Variants in ANTXR1 observed in about 807,000 individuals in gnomAD.
ANTXR1 encodes the protein ANTXR cell adhesion molecule 1, also known as anthrax toxin receptor 1.
Under a neutral mutation model 78.1 loss-of-function variants are expected in ANTXR1, and 19 were observed. The ratio of observed to expected loss-of-function variants is 0.24; its 90% confidence interval spans 0.17 to 0.36. ANTXR1 has a LOEUF of 0.36. Ranked by LOEUF, ANTXR1 falls within the 10% of genes least tolerant of loss-of-function variation. The pLI is 1.00. For synonymous variants in ANTXR1, 273 were observed against 260.5 expected (o/e 1.05, Z -0.46); for missense variants, 518 against 718.6 (o/e 0.72, Z 3.19).
At chr2:69,230,343 A>G (rs1035613146) in intron 17 of ANTXR1, among the ~76,000 whole-genome samples, 54 of 151,714 alleles carry the variant, frequency 3.6e-4, no homozygotes, top group African/African-American at 1.3e-3. Flanking sequence ...TGGTTTATCG[A>G]CCTTCCTCAG....
At position 69,181,742 on chromosome 2, in the gene ANTXR1, G is replaced by A. The variant is rs752597738; in HGVS notation, c.1090-44G>A. ...TGGCTGTAGTAGGCAGGTCCACACAGCAGTGCTGTTTTGCTTCCTTCATGT... is the reference window on the plus strand; with the variant it reads ...TGGCTGTAGTAGGCAGGTCCACACAACAGTGCTGTTTTGCTTCCTTCATGT... On this transcript the variant is annotated intron_variant, in intron 14 of 17. Coordinates refer to ENST00000303714, the MANE Select transcript of ANTXR1 (RefSeq NM_032208.3). 1.4e-5 allele frequency: 22 copies of A among 1,582,574 alleles called. No individual in the cohort carries two copies. In the East Asian group the frequency reaches 4.9e-4, roughly 35 times the overall value.
Position 69,193,462 on chromosome 2 carries a change from CA to C in ANTXR1, c.1434+48del, listed in dbSNP as rs1382869424. 2.7e-5 allele frequency: 32 copies of C among 1,171,580 alleles called. No homozygotes were observed. The African/African-American group carries it at 4.1e-4, about 15-fold the overall frequency. 72.6% of individuals were successfully genotyped at this position (1,171,580 alleles called of 1,614,324 possible). A position where few individuals can be genotyped will look rare whatever the true frequency, so the allele number is the denominator to read the frequency against. Reference sequence around the variant, plus strand: ...ATGGTGTCTCTCTCTCTCTCTCTCACATACACACACACACACACACACACAC... The same window carrying C: ...ATGGTGTCTCTCTCTCTCTCTCTCACTACACACACACACACACACACACAC... On this transcript the variant is annotated intron_variant, in intron 17 of 17. Coordinates refer to ENST00000303714, the MANE Select transcript of ANTXR1 (RefSeq NM_032208.3).
intron 9 of ANTXR1, among the ~76,000 whole-genome samples, chr2:69,096,551 C>T (rs1346001975): frequency 6.6e-6 from 1 of 151,784 alleles, no homozygotes; most frequent in Non-Finnish European, 1.5e-5. Flanking sequence ...CACTGGTGAA[C>T]ATATATAGGG....
chr2:69,172,901 C>T (rs546300979), intron 14 of ANTXR1, among the ~76,000 whole-genome samples: 80 of 152,298 alleles, frequency 5.3e-4, no homozygotes, highest in African/African-American at 1.7e-3. Context: ...AGAATCTTCT[C>T]AAGTGGCACC....
At chr2:69,080,212 G>A (rs189249481) in intron 8 of ANTXR1, among the ~76,000 whole-genome samples, 3 of 152,282 alleles carry the variant, frequency 2.0e-5, no homozygotes, top group Non-Finnish European at 2.9e-5. Flanking sequence ...CAAGTAGAGC[G>A]AGCTCATCTT....
intron 3 of ANTXR1, among the ~76,000 whole-genome samples, chr2:69,069,703 T>C (rs910806956): frequency 6.6e-6 from 1 of 152,222 alleles, no homozygotes; most frequent in Non-Finnish European, 1.5e-5. Context: ...CAGTGGTTAT[T>C]ATGAGGGTGA....
chr2:69,146,450 C>A (rs1673228093), intron 12 of ANTXR1: 1 of 889,774 alleles, frequency 1.1e-6, no homozygotes, highest in Non-Finnish European at 1.3e-6. Flanking sequence ...GGTAAGACTC[C>A]ACGTGTGGCT....
intron 6 of ANTXR1, among the ~76,000 whole-genome samples, chr2:69,075,162 A>G (rs58727518): frequency 0.032 from 4,807 of 152,296 alleles, 259 homozygotes; most frequent in African/African-American, 0.11. Context: ...CCCAAAACAC[A>G]ATACAGAGTA....
intron 3 of ANTXR1, among the ~76,000 whole-genome samples, chr2:69,051,592 T>C (rs1458709525): frequency 5.9e-5 from 9 of 152,078 alleles, no homozygotes; most frequent in Admixed American, 5.9e-4. Context: ...GACTACTACA[T>C]GATCAAATTT....
At chr2:69,165,233 C>G (rs988590208) in intron 13 of ANTXR1, among the ~76,000 whole-genome samples, 5 of 152,220 alleles carry the variant, frequency 3.3e-5, no homozygotes, top group Non-Finnish European at 5.9e-5. Context: ...TTATCTGAAG[C>G]AGCTCTCTTG....
intron 13 of ANTXR1, among the ~76,000 whole-genome samples, chr2:69,157,037 C>T (rs1472575907): frequency 6.6e-6 from 1 of 152,212 alleles, no homozygotes; most frequent in East Asian, 1.9e-4. Flanking sequence ...CTCTCCTTCC[C>T]TCTTCCTCCC....
intron 1 of ANTXR1, among the ~76,000 whole-genome samples, chr2:69,029,489 T>C (rs1189853039): frequency 6.6e-6 from 1 of 151,604 alleles, no homozygotes; most frequent in Non-Finnish European, 1.5e-5. Flanking sequence ...TTTTTTTAAA[T>C]GGTCTACAAC....
At chr2:69,107,978 C>T (rs559554532) in intron 10 of ANTXR1, among the ~76,000 whole-genome samples, 1 of 152,260 alleles carries the variant, frequency 6.6e-6, no homozygotes, top group South Asian at 2.1e-4. Context: ...ATCCATTTCA[C>T]CACTATTATC....
chr2:69,162,622 AC>A (rs1183898391), intron 13 of ANTXR1, among the ~76,000 whole-genome samples: 3 of 152,146 alleles, frequency 2.0e-5, no homozygotes, highest in Non-Finnish European at 4.4e-5. Context: ...ATTATTTATT[AC>A]TTGGGCCCTT....
chr2:69,018,401 G>A (rs1419848602), intron 1 of ANTXR1, among the ~76,000 whole-genome samples: 2 of 152,190 alleles, frequency 1.3e-5, no homozygotes, highest in East Asian at 3.9e-4. Context: ...ACTGTTATGT[G>A]TTGTACTCCA....
At chr2:69,218,359 A>G (rs1264617529) in intron 17 of ANTXR1, among the ~76,000 whole-genome samples, 1 of 152,064 alleles carries the variant, frequency 6.6e-6, no homozygotes, top group Non-Finnish European at 1.5e-5. Context: ...AGTTCTGGAA[A>G]AAAAGGGGGG....
At chr2:69,078,137 A>G (rs1670795997) in intron 8 of ANTXR1, among the ~76,000 whole-genome samples, 1 of 152,166 alleles carries the variant, frequency 6.6e-6, no homozygotes, top group Admixed American at 6.5e-5. Context: ...TGAATAGTAA[A>G]CAGGACACTG....
At position 69,227,004 on chromosome 2, in the gene ANTXR1, A is replaced by T. The variant is rs547539360; in HGVS notation, c.1435-18221A>T. ...TCGTGAAGCATTTCGTGCACCATGA[A>T]AATGGGGCATTTTGATACTGGCTCA... On this transcript the variant is annotated intron_variant, in intron 17 of 17. Transcript: ENST00000303714. 3.9e-5 allele frequency among the ~76,000 whole-genome samples: 6 copies of T among 152,320 alleles called. No homozygotes were observed. The South Asian group carries it at 1.2e-3, about 32-fold the overall frequency.
At chr2:69,036,619 C>A (rs761823861) in intron 1 of ANTXR1, among the ~76,000 whole-genome samples, 1 of 152,190 alleles carries the variant, frequency 6.6e-6, no homozygotes, top group Non-Finnish European at 1.5e-5. Context: ...CACCCTACCC[C>A]CTCAGTAACC....
Sources: gnomAD v4.1 joint callset for allele counts (sites outside exome capture counted in the v4.1 genomes callset) on GRCh38, gnomAD v4.1.1 for gene constraint, MANE v1.5 for transcripts, NCBI Gene and HGNC (gene_info 2026-07-23, HGNC 2026-07-21) for gene names.